ATM: variants seen among roughly 807,000 people sequenced by gnomAD.
The protein encoded by ATM is ATM serine/threonine kinase.
In ATM, 308 loss-of-function variants were observed where a neutral mutation model predicts 387.0. That is an observed-to-expected ratio of 0.80 (90% confidence interval 0.73 to 0.87). The LOEUF (loss-of-function observed/expected upper bound fraction) is 0.87. Among genes scored for constraint, ATM ranks in the 40% least tolerant of loss-of-function variants. The pLI is 0.00. For synonymous variants in ATM, 1,156 were observed against 1,187.3 expected, an observed-to-expected ratio of 0.97 and a Z score of 0.54; for missense variants, 3,312 against 3,560.9, an observed-to-expected ratio of 0.93 and a Z score of 1.78.
chr11:108,314,331 C>G (rs550088077), intron 40 of ATM, among the ~76,000 whole-genome samples: 1 of 152,256 alleles, frequency 6.6e-6, no homozygotes, highest in African/African-American at 2.4e-5. Flanking sequence ...ATCTTGAATT[C>G]CTGAGCTCAA....
intron 25 of ATM, among the ~76,000 whole-genome samples, 192 bp downstream of exon 25, chr11:108,283,071 G>T (rs543631209): frequency 6.6e-6 from 1 of 152,166 alleles, no homozygotes; most frequent in Non-Finnish European, 1.5e-5. Context: ...CTTCAGATCT[G>T]GTCCTAGCTG....
Position 108,256,368 on chromosome 11 carries a change from C to T in ATM, c.2250+28C>T, listed in dbSNP as rs756926892. 3.6e-5 allele frequency: 57 copies of T among 1,594,614 alleles called. No homozygotes were observed. The highest frequency in any genetic ancestry group is 3.3e-4 in the Middle Eastern group (2 of 6,020). ...AGGAGAATTTATACTAATAAAGTTTCGGATAAATTTGAATGAAATGTATTC... is the reference window on the plus strand; with the variant it reads ...AGGAGAATTTATACTAATAAAGTTTTGGATAAATTTGAATGAAATGTATTC... On this transcript the variant is annotated intron_variant, in intron 14 of 62. Transcript: ENST00000675843.
rs1247469915 is a variant in ATM, at chr11:108,257,943, G to A, written c.2376+337G>A. Among the ~76,000 whole-genome samples the A allele has an allele frequency of 2.6e-5, 4 of 151,822 alleles. No individual in the cohort carries two copies. In the East Asian group the frequency reaches 7.7e-4, roughly 29 times the overall value. On this transcript the variant is annotated intron_variant, in intron 15 of 62. Coordinates refer to ENST00000675843, the MANE Select transcript of ATM (RefSeq NM_000051.4). ...CCAGAGTGAGTGATCACATCACTGC[G>A]ATCCAGCAGCCTCGACCTCCTGGGC...
chr11:108,309,432 ATGT>A (rs1340448072), intron 38 of ATM, among the ~76,000 whole-genome samples: 1 of 152,148 alleles, frequency 6.6e-6, no homozygotes, highest in African/African-American at 2.4e-5. Flanking sequence ...TCCAAGGTCC[ATGT>A]TGTTCCAGCA....
chr11:108,286,426 G>C (rs1422172113), intron 26 of ATM, among the ~76,000 whole-genome samples: 3 of 151,930 alleles, frequency 2.0e-5, no homozygotes, highest in Non-Finnish European at 4.4e-5. Context: ...ACTCCACAGA[G>C]TGGGAGTGGG....
At chr11:108,249,681 T>C (rs2080032544) in intron 9 of ATM, among the ~76,000 whole-genome samples, 1 of 152,200 alleles carries the variant, frequency 6.6e-6, no homozygotes, top group South Asian at 2.1e-4. Context: ...GAAAAGAAAC[T>C]GAAACCCAGA....
At chr11:108,281,912 G>T (rs986599898) in intron 24 of ATM, among the ~76,000 whole-genome samples, 1 of 151,990 alleles carries the variant, frequency 6.6e-6, no homozygotes, top group Admixed American at 6.5e-5. Context: ...GTTATGTATT[G>T]TTTGGATTTT....
chr11:108,365,696 T>C lies in ATM; in HGVS notation c.*188T>C, dbSNP rs2091274682. The C allele has an allele frequency of 2.7e-6, 2 of 730,914 alleles. No homozygotes were observed. The highest frequency in any genetic ancestry group is 5.5e-5 in the East Asian group (2 of 36,266). 45.3% of individuals were successfully genotyped at this position (730,914 alleles called of 1,614,324 possible). A position where few individuals can be genotyped will look rare whatever the true frequency, so the allele number is the denominator to read the frequency against. On this transcript the variant is annotated 3_prime_UTR_variant, in exon 63 of 63. Transcript: ENST00000675843. The stretch of plus-strand genomic sequence containing the variant: ...AATGTTTTGATGGTCTTAAGGAACA[T>C]CTCTGCTTTCACTCTTTAGAAATAA...
At chr11:108,290,990 C>G (rs1429810913) in intron 29 of ATM, among the ~76,000 whole-genome samples, 1 of 151,938 alleles carries the variant, frequency 6.6e-6, no homozygotes, top group Non-Finnish European at 1.5e-5. Flanking sequence ...AATCCCAGCA[C>G]TTTGGGAGGC....
In ATM at chr11:108,259,046, A is replaced by G; in HGVS notation, c.2437A>G (p.Asn813Asp). The change falls in exon 16 of 63, where the codon AAT becomes GAT. Residue 813 changes from asparagine (N) to aspartate (D), a missense_variant. By Grantham distance (23) the Asn-to-Asp change is conservative. Coordinates refer to ENST00000675843, the MANE Select transcript of ATM (RefSeq NM_000051.4). Reference protein sequence around the residue: ...FLRLLTSKLMNDIADICKSLA... With the variant: ...FLRLLTSKLMDDIADICKSLA... ...GCGATTGTTAACATCAAAGCTAATG[A>G]ATGACATTGCAGATATTTGTAAAAG... is the stretch of plus-strand genomic sequence containing the variant. The G allele has an allele frequency of 6.2e-7, 1 of 1,613,744 alleles. No individual in the cohort carries two copies. Among genetic ancestry groups the G allele is most frequent in the Non-Finnish European group, 8.5e-7 (1 of 1,179,910 alleles).
At chr11:108,241,742 CTTTTTTTTTTTTT>C (rs1206745957) in intron 5 of ATM, among the ~76,000 whole-genome samples, 4 of 45,366 alleles carry the variant, frequency 8.8e-5, no homozygotes, top group African/African-American at 1.4e-4. Context: ...TTCTTTCTTT[CTTTTTTTTTTTTT>C]TTTTTTTTTT....
Position 108,301,700 on chromosome 11 carries a change from A to G in ATM, c.5230A>G (p.Lys1744Glu). 3.1e-6 allele frequency: 5 copies of G among 1,613,802 alleles called. No individual in the cohort carries two copies. Among genetic ancestry groups the G allele is most frequent in the Non-Finnish European group, 3.4e-6 (4 of 1,179,808 alleles). ...VTCLKNILAT[K>E]TGHSFWEIYK... is the part of the protein sequence containing the mutation. Reference sequence around the variant, plus strand: ...CTGTTTGAAAAACATTTTAGCCACAAAGACTGGACATAGTTTCTGGGAGAT... The same window carrying G: ...CTGTTTGAAAAACATTTTAGCCACAGAGACTGGACATAGTTTCTGGGAGAT... The change falls in exon 35 of 63, where the codon AAG (lysine) becomes GAG (glutamate). Residue 1744 changes from lysine (K) to glutamate (E), a missense_variant. Transcript: ENST00000675843.
intron 38 of ATM, chr11:108,309,053 A>G (rs1248756768): frequency 2.0e-6 from 3 of 1,510,514 alleles, no homozygotes; most frequent in African/African-American, 1.4e-5. Flanking sequence ...AATGCTGAAT[A>G]AGATCCTGAA....
chr11:108,305,516 G>A (rs536262619), intron 37 of ATM, among the ~76,000 whole-genome samples: 2 of 152,144 alleles, frequency 1.3e-5, no homozygotes, highest in East Asian at 3.9e-4. Context: ...GGAGGTAGAG[G>A]CTCCTGAGGC....
chr11:108,258,578 C>A (rs2080653095), intron 15 of ATM, among the ~76,000 whole-genome samples: 1 of 152,090 alleles, frequency 6.6e-6, no homozygotes, highest in African/African-American at 2.4e-5. Flanking sequence ...GATAGCCAAG[C>A]CAGGCCCCAG....
At chr11:108,299,122 C>T (rs146410741) in intron 33 of ATM, among the ~76,000 whole-genome samples, 56 of 152,226 alleles carry the variant, frequency 3.7e-4, no homozygotes, top group Non-Finnish European at 4.4e-5. Context: ...TAAATACCAT[C>T]ATGATGGAAA....
rs1320262218 is a variant in ATM at position 108,250,757 on chromosome 11, A to T, written c.1292A>T (p.Glu431Val). The T allele has an allele frequency of 6.2e-7, 1 of 1,611,854 alleles. No individual in the cohort carries two copies. Among genetic ancestry groups the T allele is most frequent in the Non-Finnish European group, 8.5e-7 (1 of 1,179,794 alleles). The change falls in exon 10 of 63, where the codon GAG becomes GTG. Residue 431 changes from glutamate to valine, a missense_variant. By Grantham distance (121) the Glu-to-Val change is moderately radical. This residue lies in a region of ATM where 1,791 missense variants were observed against 1,804.5 expected (regional missense o/e 0.99). Coordinates refer to ENST00000675843, the MANE Select transcript of ATM (RefSeq NM_000051.4). ...SKYPASLPNC[E>V]LSPLLMILSQ... ...TATCCTGCAAGTTTACCTAACTGTG[A>T]GCTGTCTCCATTACTGATGATACTA...
intron 58 of ATM, 111 bp from the exon 59 acceptor site, chr11:108,347,168 C>T: frequency 2.3e-6 from 2 of 881,790 alleles, no homozygotes; most frequent in East Asian, 5.0e-5. Context: ...GCTAAAAATC[C>T]TAAACTACTT....
At chr11:108,317,704 GTGTA>G (rs1325310606) in intron 43 of ATM, among the ~76,000 whole-genome samples, 183 bp downstream of exon 43, 2 of 144,768 alleles carry the variant, frequency 1.4e-5, no homozygotes, top group South Asian at 2.2e-4. Context: ...TATATATAGT[GTGTA>G]TGTGTGTATA....
Sources: allele counts gnomAD v4.1 joint callset (sites outside exome capture counted in the v4.1 genomes callset), GRCh38; gene constraint gnomAD v4.1.1; regional missense constraint gnomAD v4.1.1; transcripts MANE v1.5; gene names NCBI Gene and HGNC (gene_info 2026-07-23, HGNC 2026-07-21).